The following CSMD3 variants were observed in gnomAD, a reference collection of about 807,000 sequenced individuals.
CSMD3 encodes CUB and sushi domain-containing protein 3.
CSMD3 carries 177 observed loss-of-function variants against 435.2 expected under a neutral mutation model. That is an observed-to-expected ratio of 0.41 (90% confidence interval 0.36 to 0.46). The LOEUF is 0.46. Among genes scored for constraint, CSMD3 ranks in the 20% least tolerant of loss-of-function variants. The pLI, the probability that CSMD3 is intolerant of heterozygous loss-of-function variation, is 0.34. For missense variants in CSMD3, 4,265 were observed against 4,504.6 expected (o/e 0.95, Z 1.52); for synonymous variants, 1,656 against 1,520.5 (o/e 1.09, Z -2.07).
At chr8:113,281,086 T>C (rs1200625475) in intron 2 of CSMD3, among the ~76,000 whole-genome samples, 3 of 151,468 alleles carry the variant, frequency 2.0e-5, no homozygotes, top group African/African-American at 4.9e-5. Context: ...ATGTAGTCTA[T>C]CTACTGGTCT....
chr8:113,278,708 A>C lies in CSMD3; in HGVS notation c.402-4T>G, dbSNP rs916751529. The C allele has an allele frequency of 7.5e-7, 1 of 1,328,678 alleles. No homozygotes were observed. The highest frequency in any genetic ancestry group is 1.4e-5 in the African/African-American group (1 of 69,442). 82.3% of individuals were successfully genotyped at this position (1,328,678 alleles called of 1,614,324 possible). On this transcript the variant is annotated splice_region_variant and splice_polypyrimidine_tract_variant and intron_variant, in intron 2 of 70. Coordinates refer to ENST00000297405, the MANE Select transcript of CSMD3 (RefSeq NM_198123.2). ...TGGCAGATGGAATCCTGTTAACCTA[A>C]AACAAAATGGAATTAATTGTTAGAG... is the stretch of plus-strand genomic sequence containing the variant.
At position 112,556,822 on chromosome 8, in the gene CSMD3, A is replaced by G. The variant is rs1563699087; in HGVS notation, c.4175T>C (p.Leu1392Pro). 1 of 1,612,658 alleles carries G rather than the reference A, an allele frequency of 6.2e-7. No individual in the cohort carries two copies. The highest frequency in any genetic ancestry group is 2.2e-5 in the East Asian group (1 of 44,820). The change falls in exon 25 of 71, where the codon CTT (leucine) becomes CCT (proline). Residue 1392 changes from leucine (L) to proline (P), a missense_variant. Transcript: ENST00000297405. ...TCTCTCCCCTGTCATGCACTTGAGA[A>G]GGCTACTTCCGTGGAGAGTGTAGCC... ...NPGYTLHGSS[L>P]LKCMTGERRA...
intron 1 of CSMD3, among the ~76,000 whole-genome samples, chr8:113,435,250 G>A (rs1264055494): frequency 1.3e-5 from 2 of 152,190 alleles, no homozygotes; most frequent in Non-Finnish European, 2.9e-5. Context: ...GAAAAATCAA[G>A]CTTCAAGGAG....
Position 112,383,566 on chromosome 8 carries a change from C to A in CSMD3, c.6031+1G>T. The A allele has an allele frequency of 6.7e-7, 1 of 1,499,314 alleles. No individual in the cohort carries two copies. Among genetic ancestry groups the A allele is most frequent in the Non-Finnish European group, 9.3e-7 (1 of 1,075,542 alleles). The allele number at this position is 1,499,314 out of a possible 1,614,324, so 92.9% of individuals were successfully genotyped here. On this transcript the variant is annotated splice_donor_variant, in intron 37 of 70. Coordinates refer to ENST00000297405, the MANE Select transcript of CSMD3 (RefSeq NM_198123.2). LOFTEE classifies it high-confidence loss of function. ...TAATTAAGCTCAGCTCTCTTATTTACCTGAATAGCTTCCAAGTCTTGGAGC... is the reference window on the plus strand; with the variant it reads ...TAATTAAGCTCAGCTCTCTTATTTAACTGAATAGCTTCCAAGTCTTGGAGC...
At chr8:112,470,998 A>T (rs1163643479) in intron 32 of CSMD3, among the ~76,000 whole-genome samples, 2 of 152,168 alleles carry the variant, frequency 1.3e-5, no homozygotes, top group Non-Finnish European at 2.9e-5. Context: ...TTCAACTTAT[A>T]TTAACCCTAC....
At chr8:113,395,785 C>T (rs2094481075) in intron 1 of CSMD3, among the ~76,000 whole-genome samples, 1 of 152,104 alleles carries the variant, frequency 6.6e-6, no homozygotes, top group Non-Finnish European at 1.5e-5. Flanking sequence ...GCTCCCTGAT[C>T]TTGTACCTTT....
In CSMD3 at chr8:113,074,793, C is replaced by G. The variant is rs375084343; in HGVS notation, c.917+23963G>C. Among the ~76,000 whole-genome samples the G allele has an allele frequency of 5.9e-5, 9 of 151,740 alleles. No individual in the cohort carries two copies. The East Asian group carries it at 1.2e-3, about 20-fold the overall frequency. ...AAGAAACCCATTATACATTTGTACC[C>G]TCTCCAGTAAGGTTAATTTCAAGGG... On this transcript the variant is annotated intron_variant, in intron 5 of 70. Transcript: ENST00000297405.
chr8:113,411,863 A>T (rs979227697), intron 1 of CSMD3, among the ~76,000 whole-genome samples: 10 of 152,038 alleles, frequency 6.6e-5, no homozygotes, highest in East Asian at 1.9e-4. Flanking sequence ...TCTTCTTTTT[A>T]AAAAAAATTC....
chr8:112,304,594 A>G (rs1055535405), intron 52 of CSMD3, 127 bp downstream of exon 52: 1 of 734,184 alleles, frequency 1.4e-6, no homozygotes, highest in Non-Finnish European at 2.4e-6. Context: ...AAACGTAACG[A>G]GAATAAATGA....
At chr8:112,476,485 C>T (rs760117909) in intron 31 of CSMD3, among the ~76,000 whole-genome samples, 2 of 152,098 alleles carry the variant, frequency 1.3e-5, no homozygotes, top group Admixed American at 6.6e-5. Flanking sequence ...CTATTTCTCA[C>T]AAACTTATTT....
intron 2 of CSMD3, among the ~76,000 whole-genome samples, chr8:113,305,621 T>C (rs370017848): frequency 1.3e-5 from 2 of 152,364 alleles, no homozygotes; most frequent in African/African-American, 4.8e-5. Context: ...CTCATTTCTT[T>C]TTGGCAAAAT....
At chr8:113,263,970 T>C (rs887773937) in intron 3 of CSMD3, among the ~76,000 whole-genome samples, 2 of 151,594 alleles carry the variant, frequency 1.3e-5, no homozygotes, top group Non-Finnish European at 3.0e-5. Flanking sequence ...TGAGACTTAT[T>C]ATTGCTATTG....
chr8:112,302,909 T>C (rs1045230977), intron 52 of CSMD3, among the ~76,000 whole-genome samples: 6 of 151,388 alleles, frequency 4.0e-5, no homozygotes, highest in African/African-American at 1.2e-4. Flanking sequence ...AAAAGATGAT[T>C]AAATGGAGGA....
chr8:112,873,776 T>C (rs573551632), intron 10 of CSMD3, among the ~76,000 whole-genome samples: 1 of 152,242 alleles, frequency 6.6e-6, no homozygotes, highest in South Asian at 2.1e-4. Flanking sequence ...TATCATTTTT[T>C]ATTCTGTCTA....
At chr8:113,258,039 G>A (rs758109873) in intron 3 of CSMD3, among the ~76,000 whole-genome samples, 2 of 152,162 alleles carry the variant, frequency 1.3e-5, no homozygotes, top group Admixed American at 6.5e-5. Flanking sequence ...GTTGGCTGTA[G>A]TACACTATTA....
At chr8:113,189,955 C>T (rs1564408164) in intron 3 of CSMD3, among the ~76,000 whole-genome samples, 1 of 151,618 alleles carries the variant, frequency 6.6e-6, no homozygotes. Flanking sequence ...TTATTTTAGC[C>T]TTTAAAATAA....
chr8:113,288,979 A>G (rs765385787), intron 2 of CSMD3, among the ~76,000 whole-genome samples: 1 of 151,750 alleles, frequency 6.6e-6, no homozygotes, highest in Non-Finnish European at 1.5e-5. Context: ...AACCCACCCA[A>G]GGTTCATCTA....
chr8:113,416,281 G>A (rs1380349734), intron 1 of CSMD3, among the ~76,000 whole-genome samples: 3 of 152,032 alleles, frequency 2.0e-5, no homozygotes, highest in African/African-American at 4.8e-5. Flanking sequence ...GTTGTTGGTC[G>A]TAGTTGTTCT....
chr8:112,695,634 G>A (rs1308112209), intron 13 of CSMD3, among the ~76,000 whole-genome samples: 2 of 152,164 alleles, frequency 1.3e-5, no homozygotes, highest in Admixed American at 1.3e-4. Flanking sequence ...CATGCTGAAT[G>A]GGCAAAAACT....
Sources: gnomAD v4.1 joint callset for allele counts (sites outside exome capture counted in the v4.1 genomes callset) on GRCh38, gnomAD v4.1.1 for gene constraint, MANE v1.5 for transcripts, NCBI Gene and HGNC (gene_info 2026-07-23, HGNC 2026-07-21) for gene names.